MINK1: variants seen among roughly 807,000 people sequenced by gnomAD.
The protein encoded by MINK1 is misshapen-like kinase 1.
In MINK1, 46 loss-of-function variants were observed where a neutral mutation model predicts 178.4. The ratio of observed to expected loss-of-function variants is 0.26; its 90% CI spans 0.20 to 0.33. The LOEUF is 0.33. Ranked by LOEUF, MINK1 falls within the 10% of genes least tolerant of loss-of-function variation. The probability of loss-of-function intolerance (pLI) is 1.00; values close to 1 mark genes in which losing one functional copy is unlikely to be tolerated. For synonymous variants in MINK1, 797 were observed against 709.7 expected, an observed-to-expected ratio of 1.12 and a Z score of -1.96; for missense variants, 1,366 against 1,814.9, an observed-to-expected ratio of 0.75 and a Z score of 4.49.
chr17:4,834,030 C>A (rs1197062191), intron 1 of MINK1, among the ~76,000 whole-genome samples: 1 of 152,108 alleles, frequency 6.6e-6, no homozygotes, highest in African/African-American at 2.4e-5. Context: ...CTTCTATCTT[C>A]TTCCTTCCCC....
chr17:4,861,012 A>G (rs1914086222), intron 1 of MINK1, among the ~76,000 whole-genome samples: 1 of 152,174 alleles, frequency 6.6e-6, no homozygotes, highest in Admixed American at 6.5e-5. Flanking sequence ...CTCTCCCTCC[A>G]GCCCTTGTTC....
intron 1 of MINK1, among the ~76,000 whole-genome samples, chr17:4,842,317 C>T (rs185926775): frequency 3.3e-5 from 5 of 151,918 alleles, no homozygotes; most frequent in African/African-American, 4.8e-5. Context: ...GACAGTGCAT[C>T]GAAGAACTGT....
chr17:4,858,997 C>T lies in MINK1; in HGVS notation c.58-19320C>T, dbSNP rs1372985852. The T allele has an allele frequency of 1.7e-5, 6 of 355,184 alleles. No individual in the cohort carries two copies. The South Asian group carries it at 4.4e-4, about 26-fold the overall frequency. 22.0% of individuals were successfully genotyped at this position (355,184 alleles called of 1,614,324 possible). A position where few individuals can be genotyped will look rare whatever the true frequency, so the allele number is the denominator to read the frequency against. ...CCCGGCCCCTCCCAACACCAGGCAC[C>T]CGGGGCAGCCCCACCTCCTGCCCTG... is the stretch of plus-strand genomic sequence containing the variant. On this transcript the variant is annotated intron_variant, in intron 1 of 31. Coordinates refer to ENST00000355280, the MANE Select transcript of MINK1 (RefSeq NM_153827.5).
At chr17:4,893,842 G>A (rs1025801261) in intron 21 of MINK1, 146 bp from the exon 22 acceptor site, 23 of 851,114 alleles carry the variant, frequency 2.7e-5, no homozygotes, top group Non-Finnish European at 3.4e-5. Context: ...AGCACCTCAC[G>A]GTGGAGCAGG....
intron 1 of MINK1, among the ~76,000 whole-genome samples, chr17:4,849,366 T>C (rs2150792993): frequency 6.6e-6 from 1 of 152,266 alleles, no homozygotes; most frequent in South Asian, 2.1e-4. Context: ...CACACAGCTT[T>C]GTTGGGATGT....
At position 4,885,068 on chromosome 17, in the gene MINK1, T is replaced by C; in HGVS notation, c.508+66T>C. On this transcript the variant is annotated intron_variant, in intron 6 of 31. Transcript: ENST00000355280. The surrounding 1 kb of genome is among the most constrained non-coding windows in gnomAD (Gnocchi z 5.0). ...TCCAGAACAGAGAATGAGGGGCCCC[T>C]TTTTCTCTCTGGTGGCTCAGGCCCA... 3.4e-6 allele frequency: 5 copies of C among 1,467,950 alleles called. No individual in the cohort carries two copies. The highest frequency in any genetic ancestry group is 3.8e-6 in the Non-Finnish European group (4 of 1,059,268). 90.9% of individuals were successfully genotyped at this position (1,467,950 alleles called of 1,614,324 possible). A position where few individuals can be genotyped will look rare whatever the true frequency, so the allele number is the denominator to read the frequency against.
In MINK1 at chr17:4,895,448, C is replaced by T; in HGVS notation, c.3184C>T (p.Gln1062Ter). 1 of 1,604,998 alleles carries T rather than the reference C, an allele frequency of 6.2e-7. No homozygotes were observed. The highest frequency in any genetic ancestry group is 8.5e-7 in the Non-Finnish European group (1 of 1,174,660). Residue 1062 changes from glutamine to a stop codon, truncating the protein, a stop_gained, in exon 26 of 32, where the codon CAG becomes TAG. Transcript: ENST00000355280. LOFTEE classifies it high-confidence loss of function. The surrounding 1 kb of genome is among the most constrained non-coding windows in gnomAD (Gnocchi z 4.3). ...YGLIGRRRFQ[Q>*]MDVLEGLNLL... ...ACTCATTGGGCGGCGACGCTTCCAG[C>T]AGATGGATGTGCTGGAGGGGCTCAA...
chr17:4,859,350 C>G, intron 1 of MINK1: 1 of 961,192 alleles, frequency 1.0e-6, no homozygotes, highest in Non-Finnish European at 1.2e-6. Context: ...TTTTCCTAAC[C>G]TACCTGCTTC....
At chr17:4,893,952 C>G in intron 21 of MINK1, 36 bp from the exon 22 acceptor site, 1 of 1,501,050 alleles carries the variant, frequency 6.7e-7, no homozygotes. Flanking sequence ...TGGCCACGGG[C>G]AGGACCTGGA....
chr17:4,848,222 CAG>C (rs773420222), intron 1 of MINK1, among the ~76,000 whole-genome samples: 1 of 152,146 alleles, frequency 6.6e-6, no homozygotes, highest in Non-Finnish European at 1.5e-5. Context: ...TCCTTAGGGA[CAG>C]AGAGGAACCT....
At chr17:4,867,228 G>A (rs1011131433) in intron 1 of MINK1, among the ~76,000 whole-genome samples, 6 of 139,904 alleles carry the variant, frequency 4.3e-5, no homozygotes, top group African/African-American at 1.6e-4. Flanking sequence ...GCTCACTGTA[G>A]GCTCATCCTC....
chr17:4,875,323 G>A (rs868256974), intron 1 of MINK1, among the ~76,000 whole-genome samples: 3 of 152,126 alleles, frequency 2.0e-5, no homozygotes, highest in African/African-American at 7.2e-5. Context: ...GTTAAATATT[G>A]TTTTAGCTGT....
At chr17:4,842,377 T>TGGGAGAGACCCGGGGAGGGAC (rs1169933681) in intron 1 of MINK1, among the ~76,000 whole-genome samples, 14 of 152,156 alleles carry the variant, frequency 9.2e-5, no homozygotes, top group Admixed American at 3.3e-4. Flanking sequence ...GTTATGGACA[T>TGGGAGAGACCCGGGGAGGGAC]GGGAGAGACC....
In MINK1 at chr17:4,892,505, G is replaced by A. The variant is rs376943724; in HGVS notation, c.2191G>A (p.Ala731Thr). 3.3e-5 allele frequency: 52 copies of A among 1,557,994 alleles called. No homozygotes were observed. Among genetic ancestry groups the A allele is most frequent in the African/African-American group, 3.3e-4 (24 of 73,354 alleles). ...TGCTCAGCCCCCTGGCCCGCCCAAC[G>A]CCTCTAGGTAATAGAGTTGTCCCCC... is the stretch of plus-strand genomic sequence containing the variant. ...PPAQPPGPPN[A>T]SSNPDLRRSD... Residue 731 changes from alanine to threonine, a missense_variant, in exon 18 of 32, where the codon GCC (alanine) becomes ACC (threonine). This residue lies in a region of MINK1 where 709 missense variants were observed against 692.3 expected (regional missense o/e 1.02). Transcript: ENST00000355280.
In MINK1 at chr17:4,887,701, C is replaced by T. The variant is rs1459653441; in HGVS notation, c.1141C>T (p.Arg381Ter). 1.3e-6 allele frequency: 2 copies of T among 1,558,228 alleles called. No individual in the cohort carries two copies. The highest frequency in any genetic ancestry group is 2.4e-5 in the East Asian group (1 of 41,384). ...GCAGCAGCTGCAGCAGCAGCAGCAG[C>T]GAGACCCCGAGGCACACATCAAACA... ...QQQQLQQQQQ[R>*]DPEAHIKHLL... The change falls in exon 12 of 32, where the codon CGA becomes TGA. Residue 381 changes from arginine to a stop codon, truncating the protein, a stop_gained. Transcript: ENST00000355280. LOFTEE classifies it high-confidence loss of function. This position sits in a 1 kb window ranked among gnomAD's most constrained non-coding sequence, Gnocchi z 7.6.
rs751601314 is a variant in MINK1, at chr17:4,895,673, G to T, written c.3230-25G>T. 6.8e-6 allele frequency: 11 copies of T among 1,610,672 alleles called. No individual in the cohort carries two copies. The highest frequency in any genetic ancestry group is 8.5e-6 in the Non-Finnish European group (10 of 1,178,316). ...GGGCCTCAGATGAGAATGGGGGCGG[G>T]TGTGTATGTCTGTCCGTCCCTCAGG... is the stretch of plus-strand genomic sequence containing the variant. On this transcript the variant is annotated intron_variant, in intron 26 of 31. Transcript: ENST00000355280. This position sits in a 1 kb window ranked among gnomAD's most constrained non-coding sequence, Gnocchi z 4.3.
In MINK1 at chr17:4,896,932, G is replaced by A. The variant is rs181160156; in HGVS notation, c.3915+119G>A. ...GCTTCCTGAAAGCGGGCCCCTCTGGGAGCTCAGAGGGCAGTCAGCCACTAC... is the reference window on the plus strand; with the variant it reads ...GCTTCCTGAAAGCGGGCCCCTCTGGAAGCTCAGAGGGCAGTCAGCCACTAC... On this transcript the variant is annotated intron_variant, in intron 31 of 31. Transcript: ENST00000355280. This position sits in a 1 kb window ranked among gnomAD's most constrained non-coding sequence, Gnocchi z 4.6. The A allele has an allele frequency of 5.7e-5, 76 of 1,339,690 alleles. No homozygotes were observed. In the African/African-American group the frequency reaches 1.0e-3, roughly 18 times the overall value. The allele number at this position is 1,339,690 out of a possible 1,614,324, so 83.0% of individuals were successfully genotyped here.
At chr17:4,878,158 C>T (rs1040260193) in intron 1 of MINK1, among the ~76,000 whole-genome samples, 159 bp from the exon 2 acceptor site, 3 of 152,176 alleles carry the variant, frequency 2.0e-5, no homozygotes, top group African/African-American at 7.2e-5. Flanking sequence ...TGAACCAATC[C>T]AGGAAAAGGG....
Position 4,833,719 on chromosome 17 carries a change from C to T in MINK1, c.57+79C>T, listed in dbSNP as rs1460945857. ...GGGAGCGGGGTGGCTGCACGCCTCA[C>T]GTGCTCCCGGGCGCCCCCTCCACCA... On this transcript the variant is annotated intron_variant, in intron 1 of 31. Coordinates refer to ENST00000355280, the MANE Select transcript of MINK1 (RefSeq NM_153827.5). The surrounding 1 kb of genome is among the most constrained non-coding windows in gnomAD (Gnocchi z 4.8). 15 of 1,240,850 alleles carry T rather than the reference C, an allele frequency of 1.2e-5. No homozygotes were observed. Among genetic ancestry groups the T allele is most frequent in the Middle Eastern group, 5.6e-4 (2 of 3,596 alleles). The allele number at this position is 1,240,850 out of a possible 1,614,324, so 76.9% of individuals were successfully genotyped here.
Sources: gnomAD v4.1 joint callset for allele counts (sites outside exome capture counted in the v4.1 genomes callset) on GRCh38, gnomAD v4.1.1 for gene constraint, gnomAD v4.1.1 regional missense constraint, Gnocchi (gnomAD v3.1) non-coding constraint, MANE v1.5 for transcripts, NCBI Gene and HGNC (gene_info 2026-07-23, HGNC 2026-07-21) for gene names.